DENND1A: variants seen among roughly 807,000 people sequenced by gnomAD.
DENND1A encodes DENN domain containing 1A, also known as DENN domain-containing protein 1A.
A neutral mutation model predicts 113.7 loss-of-function variants in DENND1A; 51 were observed. The observed-to-expected ratio is 0.45, with a 90% CI of 0.36 to 0.57. DENND1A has a LOEUF of 0.57. DENND1A is among the 20% of genes least tolerant of loss of function. The pLI, the probability that DENND1A is intolerant of heterozygous loss-of-function variation, is 0.00. For synonymous variants in DENND1A, 565 were observed against 570.8 expected (o/e 0.99, Z 0.14); for missense variants, 1,258 against 1,395.9 (o/e 0.90, Z 1.57).
intron 12 of DENND1A, among the ~76,000 whole-genome samples, chr9:123,569,143 C>T (rs761952313): frequency 2.6e-5 from 4 of 152,158 alleles, no homozygotes; most frequent in Non-Finnish European, 4.4e-5. Context: ...ATCTTTGTTA[C>T]GACAAATATT....
At chr9:123,500,862 G>C (rs2052418504) in intron 13 of DENND1A, among the ~76,000 whole-genome samples, 1 of 152,222 alleles carries the variant, frequency 6.6e-6, no homozygotes. Context: ...TTAGCTCAGA[G>C]TGCTAGAGGG....
intron 2 of DENND1A, among the ~76,000 whole-genome samples, chr9:123,826,743 G>T (rs1346729470): frequency 2.0e-5 from 3 of 152,136 alleles, no homozygotes; most frequent in African/African-American, 7.2e-5. Context: ...CTTCTGCACA[G>T]CCCTGTGGAC....
At chr9:123,401,908 T>C (rs2043499400) in intron 21 of DENND1A, 8 of 1,614,182 alleles carry the variant, frequency 5.0e-6, no homozygotes, top group Non-Finnish European at 6.8e-6. Flanking sequence ...GTTGCAATGG[T>C]GTTTCTGTGT....
chr9:123,382,484 G>A lies in DENND1A; in HGVS notation c.2161C>T (p.Pro721Ser), dbSNP rs2042329917. Residue 721 changes from proline to serine, a missense_variant, in exon 24 of 24, where the codon CCC becomes TCC. Pro to Ser is a moderately conservative substitution (Grantham distance 74). This residue lies in a region of DENND1A where 1,159 missense variants were observed against 1,231.7 expected (regional missense o/e 0.94). Coordinates refer to ENST00000394215, the MANE Select transcript of DENND1A (RefSeq NM_001352964.2). ...SKPPAASPEK[P>S]SALLGNSLAL... ...AGGGAGTTTCCGAGCAGGGCTGAGG[G>A]CTTCTCAGGGGAGGCAGCTGGGGGC... 6.2e-7 allele frequency: 1 copy of A among 1,613,840 alleles called. No homozygotes were observed. The highest frequency in any genetic ancestry group is 1.7e-5 in the Admixed American group (1 of 60,000).
chr9:123,683,200 A>G (rs2140242443), intron 5 of DENND1A, among the ~76,000 whole-genome samples: 1 of 152,342 alleles, frequency 6.6e-6, no homozygotes, highest in Non-Finnish European at 1.5e-5. Flanking sequence ...ACCTGCACAG[A>G]GTTGAGGCAA....
chr9:123,656,907 T>G (rs148566553), intron 8 of DENND1A, among the ~76,000 whole-genome samples: 5 of 152,366 alleles, frequency 3.3e-5, no homozygotes, highest in African/African-American at 1.2e-4. Context: ...TTGAGGATAT[T>G]CCTTTCCTAC....
At chr9:123,472,490 G>T (rs2049509301) in intron 13 of DENND1A, among the ~76,000 whole-genome samples, 1 of 152,154 alleles carries the variant, frequency 6.6e-6, no homozygotes. Flanking sequence ...CTGAGATGTG[G>T]TGGGTGCCAG....
At chr9:123,400,020 C>G (rs1260643082) in intron 21 of DENND1A, 1 of 152,280 alleles carries the variant, frequency 6.6e-6, no homozygotes, top group Non-Finnish European at 1.5e-5. Context: ...AGGATCCCTC[C>G]TACCCCGATC....
intron 1 of DENND1A, among the ~76,000 whole-genome samples, chr9:123,883,170 T>C (rs937606213): frequency 6.6e-6 from 1 of 152,202 alleles, no homozygotes; most frequent in African/African-American, 2.4e-5. Context: ...ACACACTCTA[T>C]CACCTAACTG....
chr9:123,870,905 A>G (rs1163885682), intron 2 of DENND1A, among the ~76,000 whole-genome samples: 1 of 152,176 alleles, frequency 6.6e-6, no homozygotes, highest in Non-Finnish European at 1.5e-5. Context: ...GACTCAAGGA[A>G]AGTTAGCTAT....
chr9:123,610,621 T>C (rs992825719), intron 10 of DENND1A, among the ~76,000 whole-genome samples: 1 of 152,200 alleles, frequency 6.6e-6, no homozygotes, highest in Admixed American at 6.5e-5. Context: ...CTCTGTAGTA[T>C]GGGATATAGT....
At chr9:123,651,863 A>T in intron 9 of DENND1A, 150 bp downstream of exon 9, 1 of 601,006 alleles carries the variant, frequency 1.7e-6, no homozygotes, top group East Asian at 2.9e-5. Flanking sequence ...ACTGTAAAAA[A>T]AAAAAAATGA....
chr9:123,488,695 T>C (rs1327573738), intron 13 of DENND1A, among the ~76,000 whole-genome samples: 2 of 152,204 alleles, frequency 1.3e-5, no homozygotes, highest in Non-Finnish European at 2.9e-5. Context: ...GCAGAGGATG[T>C]AGTTCTCTTA....
At chr9:123,515,331 T>C (rs1278942966) in intron 13 of DENND1A, among the ~76,000 whole-genome samples, 1 of 152,268 alleles carries the variant, frequency 6.6e-6, no homozygotes, top group Non-Finnish European at 1.5e-5. Flanking sequence ...CAATTTCAAA[T>C]ATCTTGAGAA....
chr9:123,477,093 G>A (rs1210175121), intron 13 of DENND1A, among the ~76,000 whole-genome samples: 1 of 152,204 alleles, frequency 6.6e-6, no homozygotes, highest in African/African-American at 2.4e-5. Context: ...AGAAACTGAG[G>A]GCAGGGTATT....
intron 19 of DENND1A, among the ~76,000 whole-genome samples, chr9:123,417,507 A>C (rs2044835908): frequency 6.6e-6 from 1 of 152,244 alleles, no homozygotes; most frequent in Admixed American, 6.5e-5. Flanking sequence ...GTATGAGGTC[A>C]CACAGCTAGT....
chr9:123,526,896 A>T (rs2054896109), intron 13 of DENND1A, among the ~76,000 whole-genome samples: 1 of 152,060 alleles, frequency 6.6e-6, no homozygotes, highest in Non-Finnish European at 1.5e-5. Context: ...CCGTATCTTC[A>T]TCTCACTCTT....
At chr9:123,494,264 C>A (rs529582590) in intron 13 of DENND1A, among the ~76,000 whole-genome samples, 5 of 152,282 alleles carry the variant, frequency 3.3e-5, no homozygotes, top group Admixed American at 6.5e-5. Flanking sequence ...TGGAGCAGTG[C>A]GAAGCATATG....
intron 9 of DENND1A, among the ~76,000 whole-genome samples, chr9:123,636,336 A>C (rs1280267295): frequency 1.4e-5 from 2 of 147,844 alleles, no homozygotes; most frequent in African/African-American, 5.0e-5. Context: ...TTTTTTTTTG[A>C]GATGGAGTCT....
Sources: gnomAD v4.1 joint callset for allele counts (sites outside exome capture counted in the v4.1 genomes callset) on GRCh38, gnomAD v4.1.1 for gene constraint, gnomAD v4.1.1 regional missense constraint, MANE v1.5 for transcripts, NCBI Gene and HGNC (gene_info 2026-07-23, HGNC 2026-07-21) for gene names.